RNF150: variants seen among roughly 807,000 people sequenced by gnomAD.
The protein encoded by RNF150 is ring finger protein 150.
In RNF150, 24 loss-of-function variants were observed where a neutral mutation model predicts 39.3. That is an observed-to-expected ratio of 0.61 (90% CI 0.44 to 0.86). RNF150 has a LOEUF of 0.86. Ranked by LOEUF, RNF150 falls within the 40% of genes least tolerant of loss-of-function variation. RNF150 has a pLI of 0.00. For synonymous variants in RNF150, 255 were observed against 227.3 expected (o/e 1.12, Z -1.10); for missense variants, 502 against 587.8 (o/e 0.85, Z 1.51).
At chr4:141,102,188 T>C (rs1008064663) in intron 1 of RNF150, among the ~76,000 whole-genome samples, 3 of 152,176 alleles carry the variant, frequency 2.0e-5, no homozygotes, top group Admixed American at 2.0e-4. Context: ...TTCAAGTATA[T>C]CCACAGAAGG....
At chr4:141,009,257 T>C in intron 1 of RNF150, among the ~76,000 whole-genome samples, 1 of 152,192 alleles carries the variant, frequency 6.6e-6, no homozygotes, top group African/African-American at 2.4e-5. Context: ...TAATCTACCA[T>C]GTTATTCATG....
intron 6 of RNF150, among the ~76,000 whole-genome samples, chr4:140,908,950 T>C (rs1730491509): frequency 6.6e-6 from 1 of 152,148 alleles, no homozygotes; most frequent in African/African-American, 2.4e-5. Context: ...CCTTTACAAA[T>C]GTTTATTTGT....
At chr4:141,064,663 C>T (rs1465663765) in intron 1 of RNF150, among the ~76,000 whole-genome samples, 2 of 152,150 alleles carry the variant, frequency 1.3e-5, no homozygotes, top group East Asian at 1.9e-4. Context: ...TTACACTGTA[C>T]TCATATTAAA....
chr4:141,059,249 T>C (rs1009129295), intron 1 of RNF150, among the ~76,000 whole-genome samples: 2 of 152,304 alleles, frequency 1.3e-5, no homozygotes, highest in South Asian at 2.1e-4. Context: ...ATGGGCTGTA[T>C]GTTTAGTCGA....
intron 1 of RNF150, among the ~76,000 whole-genome samples, chr4:141,127,268 T>C (rs560473079): frequency 1.3e-5 from 2 of 152,202 alleles, no homozygotes; most frequent in Non-Finnish European, 2.9e-5. Context: ...ATTAAATTTA[T>C]ATACATATAA....
At chr4:141,045,417 A>T (rs1736534923) in intron 1 of RNF150, among the ~76,000 whole-genome samples, 1 of 152,218 alleles carries the variant, frequency 6.6e-6, no homozygotes, top group Non-Finnish European at 1.5e-5. Flanking sequence ...TTTATAAGTA[A>T]GGTCCCTGAT....
At chr4:141,093,272 A>T (rs1340920747) in intron 1 of RNF150, among the ~76,000 whole-genome samples, 2 of 151,482 alleles carry the variant, frequency 1.3e-5, no homozygotes, top group African/African-American at 4.9e-5. Context: ...AGGCTGAGGC[A>T]GGAGAATGGC....
chr4:141,201,545 C>G (rs967533560), intron 1 of RNF150, among the ~76,000 whole-genome samples: 5 of 141,510 alleles, frequency 3.5e-5, no homozygotes, highest in African/African-American at 1.3e-4. Context: ...GAAATTTTTC[C>G]AGGTCACCTT....
intron 1 of RNF150, among the ~76,000 whole-genome samples, chr4:141,166,972 G>T (rs546967070): frequency 5.3e-5 from 8 of 152,124 alleles, no homozygotes; most frequent in African/African-American, 1.9e-4. Context: ...AGAAACAAAG[G>T]GTATTCAAAT....
chr4:140,995,607 T>C (rs1439364338), intron 1 of RNF150, among the ~76,000 whole-genome samples: 2 of 152,130 alleles, frequency 1.3e-5, no homozygotes, highest in Admixed American at 6.6e-5. Flanking sequence ...TTTTAGCTAA[T>C]CCTCAATTTG....
chr4:141,124,732 G>C (rs1194557100), intron 1 of RNF150, among the ~76,000 whole-genome samples: 1 of 152,106 alleles, frequency 6.6e-6, no homozygotes, highest in African/African-American at 2.4e-5. Flanking sequence ...CCCATAAAAA[G>C]CCATTTATAA....
At chr4:141,051,919 G>A (rs1248245820) in intron 1 of RNF150, among the ~76,000 whole-genome samples, 4 of 152,140 alleles carry the variant, frequency 2.6e-5, no homozygotes, top group African/African-American at 9.7e-5. Flanking sequence ...AGACATACCT[G>A]AGGCTGGGAA....
chr4:140,890,937 G>C (rs1164224952), intron 6 of RNF150, among the ~76,000 whole-genome samples: 1 of 152,184 alleles, frequency 6.6e-6, no homozygotes, highest in Non-Finnish European at 1.5e-5. Context: ...ACTTGTTTTG[G>C]CTTTCCAGAA....
intron 6 of RNF150, among the ~76,000 whole-genome samples, chr4:140,906,953 A>G (rs1454061348): frequency 6.6e-6 from 1 of 152,158 alleles, no homozygotes; most frequent in Non-Finnish European, 1.5e-5. Context: ...AATCACAGGA[A>G]GGTTTCAGAC....
chr4:140,964,187 T>C (rs866559116), intron 2 of RNF150, among the ~76,000 whole-genome samples: 11 of 152,066 alleles, frequency 7.2e-5, no homozygotes, highest in African/African-American at 2.4e-4. Context: ...TAATCACAAA[T>C]ACTACAAAGT....
intron 1 of RNF150, among the ~76,000 whole-genome samples, chr4:141,146,548 T>G (rs1016267414): frequency 1.3e-4 from 19 of 151,018 alleles, no homozygotes; most frequent in African/African-American, 4.4e-4. Context: ...TATTTAAGAG[T>G]AATATGCAAC....
At chr4:141,094,067 C>G (rs1406305983) in intron 1 of RNF150, among the ~76,000 whole-genome samples, 1 of 152,010 alleles carries the variant, frequency 6.6e-6, no homozygotes, top group Admixed American at 6.6e-5. Flanking sequence ...TGAAATGGAT[C>G]AGATATAGCA....
intron 1 of RNF150, among the ~76,000 whole-genome samples, chr4:141,027,912 G>GTTTTTTGTTTTTTTTTTTTT: frequency 3.7e-5 from 1 of 27,104 alleles, no homozygotes; most frequent in East Asian, 8.2e-4. Flanking sequence ...CTTGGAATTT[G>GTTTTTTGTTTTTTTTTTTTT]TTTTTTTTTT....
chr4:141,115,096 C>A (rs1373182526), intron 1 of RNF150, among the ~76,000 whole-genome samples: 1 of 152,162 alleles, frequency 6.6e-6, no homozygotes, highest in Admixed American at 6.6e-5. Context: ...ACAAGGATGC[C>A]TTTTCTCACC....
Sources: gnomAD v4.1 joint callset for allele counts (sites outside exome capture counted in the v4.1 genomes callset) on GRCh38, gnomAD v4.1.1 for gene constraint, MANE v1.5 for transcripts, NCBI Gene and HGNC (gene_info 2026-07-23, HGNC 2026-07-21) for gene names.